Variants in MLIP observed in about 807,000 individuals in gnomAD.
MLIP encodes the protein muscular LMNA interacting protein, also known as muscular LMNA-interacting protein.
In MLIP, 79 loss-of-function variants were observed where a neutral mutation model predicts 84.8. That is an observed-to-expected ratio of 0.93 (90% CI 0.78 to 1.12). The LOEUF is 1.12. MLIP is among the 50% of genes most tolerant of loss of function. The pLI is 0.00. For synonymous variants in MLIP, 504 were observed against 463.0 expected, an observed-to-expected ratio of 1.09 and a Z score of -1.14; for missense variants, 1,257 against 1,160.6, an observed-to-expected ratio of 1.08 and a Z score of -1.21.
At chr6:54,221,707 T>G (rs1189401675) in intron 11 of MLIP, among the ~76,000 whole-genome samples, 2 of 63,726 alleles carry the variant, frequency 3.1e-5, no homozygotes, top group African/African-American at 1.0e-4. Context: ...TTTGTTCAGT[T>G]TATCATAGAT....
At chr6:54,053,942 A>T (rs984521124) in intron 1 of MLIP, among the ~76,000 whole-genome samples, 4 of 152,184 alleles carry the variant, frequency 2.6e-5, no homozygotes, top group African/African-American at 9.7e-5. Context: ...TGGCTCTACT[A>T]TCTAAGCCTG....
chr6:54,177,956 A>T (rs1057238508), intron 9 of MLIP, among the ~76,000 whole-genome samples: 3 of 152,168 alleles, frequency 2.0e-5, no homozygotes, highest in African/African-American at 7.2e-5. Flanking sequence ...AGAAAACCAA[A>T]CACCACATAT....
chr6:54,147,991 T>C (rs1485370664), intron 4 of MLIP, among the ~76,000 whole-genome samples: 2 of 152,184 alleles, frequency 1.3e-5, no homozygotes, highest in African/African-American at 4.8e-5. Flanking sequence ...CTTCAACTTT[T>C]TCCTAAGGAA....
intron 1 of MLIP, among the ~76,000 whole-genome samples, chr6:54,090,647 CTG>C (rs1007743856): frequency 3.9e-5 from 5 of 127,390 alleles, no homozygotes; most frequent in African/African-American, 1.4e-4. Flanking sequence ...AGTATTGTAT[CTG>C]TGTGTGTGTG....
chr6:54,242,347 T>A (rs1781795616), intron 12 of MLIP, among the ~76,000 whole-genome samples: 1 of 152,242 alleles, frequency 6.6e-6, no homozygotes, highest in African/African-American at 2.4e-5. Context: ...AGTACGTGTG[T>A]AACGTTTATA....
At chr6:54,215,104 T>C (rs1432310631) in intron 11 of MLIP, 2 of 1,457,452 alleles carry the variant, frequency 1.4e-6, no homozygotes, top group Non-Finnish European at 1.9e-6. Context: ...ACACGCTGTG[T>C]ACTTCCTCAC....
intron 1 of MLIP, among the ~76,000 whole-genome samples, chr6:54,074,524 G>A (rs1004052729): frequency 2.6e-5 from 4 of 152,036 alleles, no homozygotes; most frequent in African/African-American, 7.3e-5. Context: ...GATATTTTGC[G>A]GTAAGAAGGT....
At chr6:54,161,505 C>A (rs980973188) in intron 8 of MLIP, among the ~76,000 whole-genome samples, 2 of 151,598 alleles carry the variant, frequency 1.3e-5, no homozygotes, top group Non-Finnish European at 2.9e-5. Context: ...TTTCAAAATG[C>A]GTATGATTTT....
At position 54,124,881 on chromosome 6, in the gene MLIP, C is replaced by T. The variant is rs1160219364; in HGVS notation, c.645+16C>T. ...GCATGGGCAGGTAGGTTTTGTGTTC[C>T]TGCTGTCCATAAGGAAAAAAAAAGC... On this transcript the variant is annotated intron_variant, in intron 3 of 13. Coordinates refer to ENST00000502396, the MANE Select transcript of MLIP (RefSeq NM_001281747.2). The T allele has an allele frequency of 1.3e-6, 2 of 1,549,500 alleles. No homozygotes were observed. Among genetic ancestry groups the T allele is most frequent in the South Asian group, 2.5e-5 (2 of 79,746 alleles).
chr6:54,124,111 C>T (rs140494471), intron 2 of MLIP, among the ~76,000 whole-genome samples: 116 of 152,256 alleles, frequency 7.6e-4, no homozygotes, highest in African/African-American at 2.6e-3. Flanking sequence ...ATACAGTTTG[C>T]TTCACCATTA....
chr6:54,254,214 C>T (rs376435229), intron 12 of MLIP, among the ~76,000 whole-genome samples: 3 of 151,132 alleles, frequency 2.0e-5, no homozygotes, highest in East Asian at 3.9e-4. Flanking sequence ...GCAATCTCCA[C>T]CTCCCGGGTT....
intron 9 of MLIP, among the ~76,000 whole-genome samples, chr6:54,189,348 A>T (rs1777698504): frequency 1.3e-5 from 2 of 152,230 alleles, no homozygotes; most frequent in Non-Finnish European, 2.9e-5. Context: ...GACAAACAAT[A>T]TTAATCTGCT....
At chr6:54,120,575 C>A (rs1582193268) in intron 1 of MLIP, among the ~76,000 whole-genome samples, 1 of 152,230 alleles carries the variant, frequency 6.6e-6, no homozygotes, top group African/African-American at 2.4e-5. Flanking sequence ...TATCTATCTA[C>A]AATTCTAATA....
At position 54,136,954 on chromosome 6, in the gene MLIP, GACGTT is replaced by G; in HGVS notation, c.888_892del (p.Leu297ValfsTer11). On this transcript the variant is annotated frameshift_variant, in exon 4 of 14. Transcript: ENST00000502396. LOFTEE classifies it high-confidence loss of function. ...TTTCTGCATCGAAGGGCACCTCCTC[GACGTT>G]ACTGTTTCCCCATTCCACTCAACTA... is the stretch of plus-strand genomic sequence containing the variant. The G allele has an allele frequency of 6.5e-7, 1 of 1,536,028 alleles. No individual in the cohort carries two copies. The highest frequency in any genetic ancestry group is 8.7e-7 in the Non-Finnish European group (1 of 1,146,860).
chr6:54,111,327 C>T (rs940834827), upstream of MLIP: 14 of 1,309,108 alleles, frequency 1.1e-5, no homozygotes, highest in South Asian at 3.3e-5. Flanking sequence ...ATCTACTCTT[C>T]GGAGCTGACA....
chr6:54,260,970 T>G (rs115979861), intron 13 of MLIP, among the ~76,000 whole-genome samples: 3 of 151,912 alleles, frequency 2.0e-5, no homozygotes. Flanking sequence ...ATGAGATCTG[T>G]AAATAATTGA....
At chr6:54,252,045 T>A (rs1165409476) in intron 12 of MLIP, among the ~76,000 whole-genome samples, 2 of 94,458 alleles carry the variant, frequency 2.1e-5, no homozygotes, top group Non-Finnish European at 3.6e-5. Flanking sequence ...ACATATAATA[T>A]ATAATATAAA....
intron 9 of MLIP, among the ~76,000 whole-genome samples, chr6:54,172,889 C>T (rs1280190362): frequency 1.3e-5 from 2 of 151,618 alleles, no homozygotes; most frequent in East Asian, 3.9e-4. Context: ...CCGTGGTCTT[C>T]TTAAAATGCA....
chr6:54,123,965 C>A (rs920678400), intron 2 of MLIP, among the ~76,000 whole-genome samples: 13 of 152,178 alleles, frequency 8.5e-5, no homozygotes, highest in Admixed American at 8.5e-4. Context: ...TGAGTTCTCC[C>A]TAATTAACTT....
Sources: allele counts gnomAD v4.1 joint callset (sites outside exome capture counted in the v4.1 genomes callset), GRCh38; gene constraint gnomAD v4.1.1; transcripts MANE v1.5; gene names NCBI Gene and HGNC (gene_info 2026-07-23, HGNC 2026-07-21).